PHF2: variants seen among roughly 807,000 people sequenced by gnomAD.
PHF2 encodes the protein PHD finger protein 2.
In PHF2, 27 loss-of-function variants were observed where a neutral mutation model predicts 120.5. The ratio of observed to expected loss-of-function variants is 0.22; its 90% CI spans 0.17 to 0.31. The LOEUF (loss-of-function observed/expected upper bound fraction) is 0.31. Ranked by LOEUF, PHF2 falls within the 10% of genes least tolerant of loss-of-function variation. PHF2 has a pLI of 1.00. For missense variants in PHF2, 1,024 were observed against 1,434.8 expected (o/e 0.71, Z 4.63); for synonymous variants, 568 against 592.5 (o/e 0.96, Z 0.60).
chr9:93,618,857 TGGTGTTC>T (rs1825774297), intron 1 of PHF2, among the ~76,000 whole-genome samples: 1 of 422 alleles, frequency 2.4e-3, no homozygotes, highest in Non-Finnish European at 6.0e-3. Flanking sequence ...TGCCTGTGTG[TGGTGTTC>T]GTGTGTCTCT....
At chr9:93,636,117 C>T (rs1826085571) in intron 2 of PHF2, among the ~76,000 whole-genome samples, 1 of 151,952 alleles carries the variant, frequency 6.6e-6, no homozygotes, top group South Asian at 2.1e-4. Context: ...AGACTCAGGG[C>T]CTGAATGAGG....
At chr9:93,617,808 G>A (rs1222989657) in intron 1 of PHF2, among the ~76,000 whole-genome samples, 1 of 152,166 alleles carries the variant, frequency 6.6e-6, no homozygotes. Context: ...AAAGATGTAG[G>A]CTGGGAGGCT....
chr9:93,585,151 G>A (rs1216679174), intron 1 of PHF2, among the ~76,000 whole-genome samples: 1 of 152,202 alleles, frequency 6.6e-6, no homozygotes, highest in Non-Finnish European at 1.5e-5. Flanking sequence ...CCGTGTTCAT[G>A]CATGTGCTGC....
chr9:93,584,243 A>C (rs1862992357), intron 1 of PHF2, among the ~76,000 whole-genome samples: 1 of 152,176 alleles, frequency 6.6e-6, no homozygotes, highest in South Asian at 2.1e-4. Flanking sequence ...TAACTTTGAT[A>C]AAGTCTGGTT....
chr9:93,654,189 G>T (rs1309306962), intron 6 of PHF2, among the ~76,000 whole-genome samples: 1 of 152,222 alleles, frequency 6.6e-6, no homozygotes, highest in Admixed American at 6.5e-5. Flanking sequence ...TCGAAACAAT[G>T]TAATGTGGGA....
chr9:93,586,179 C>T (rs918181377), intron 1 of PHF2, among the ~76,000 whole-genome samples: 6 of 152,224 alleles, frequency 3.9e-5, no homozygotes, highest in African/African-American at 7.2e-5. Flanking sequence ...CCCATGGCCC[C>T]GCATGAAGCA....
rs377246783 is a variant in PHF2, at chr9:93,677,708, T to C, written c.*32T>C. ...GAAAGCCAGGATCCTTCTGCTCCGC[T>C]CAGGACCCCCGGAGCCCCGCGAAAA... is the stretch of plus-strand genomic sequence containing the variant. On this transcript the variant is annotated 3_prime_UTR_variant, in exon 22 of 22. Transcript: ENST00000359246. The surrounding 1 kb of genome is among the most constrained non-coding windows in gnomAD (Gnocchi z 4.4). 2.5e-4 allele frequency: 384 copies of C among 1,546,466 alleles called. No homozygotes were observed. The highest frequency in any genetic ancestry group is 3.3e-4 in the Non-Finnish European group (370 of 1,120,216).
chr9:93,667,280 A>C, intron 17 of PHF2, 40 bp downstream of exon 17: 1 of 1,586,308 alleles, frequency 6.3e-7, no homozygotes, highest in Non-Finnish European at 8.6e-7. Flanking sequence ...AGCGGGGACC[A>C]GGCAGGCCCA....
intron 1 of PHF2, among the ~76,000 whole-genome samples, chr9:93,600,629 G>A (rs185592707): frequency 5.3e-5 from 8 of 152,312 alleles, no homozygotes; most frequent in African/African-American, 1.4e-4. Context: ...CAGCCATCTC[G>A]CAGGTTGTGG....
In PHF2 at chr9:93,667,086, G is replaced by T; in HGVS notation, c.2194G>T (p.Asp732Tyr). ...CCTGTCCCTCGCGCAGCAGAGTGAT[G>T]ACTCCTCGGACGAGGGTTCGCTGCA... ...KLDSAAYKSD[D>Y]SSDEGSLHID... The change falls in exon 17 of 22, where the codon GAC (aspartate) becomes TAC (tyrosine). Residue 732 changes from aspartate (D) to tyrosine (Y), a missense_variant. Physicochemically the swap from Asp to Tyr is radical, Grantham distance 160. Around this residue, in one of 2 missense-constraint regions of PHF2, gnomAD observed 677 missense variants for 857.4 expected, o/e 0.79. Transcript: ENST00000359246. 6.2e-7 allele frequency: 1 copy of T among 1,612,344 alleles called. No individual in the cohort carries two copies. The highest frequency in any genetic ancestry group is 1.1e-5 in the South Asian group (1 of 90,966).
intron 1 of PHF2, among the ~76,000 whole-genome samples, chr9:93,593,759 G>C (rs1041559672): frequency 1.3e-5 from 2 of 152,188 alleles, no homozygotes; most frequent in Non-Finnish European, 2.9e-5. Flanking sequence ...TTAATGCTAT[G>C]GGGATATCTT....
chr9:93,678,446 C>A lies in PHF2; in HGVS notation c.*770C>A, dbSNP rs1132003. 2 of 152,676 alleles carry A rather than the reference C, an allele frequency of 1.3e-5. No individual in the cohort carries two copies. Among genetic ancestry groups the A allele is most frequent in the South Asian group, 2.1e-4 (1 of 4,822 alleles). 9.5% of individuals were successfully genotyped at this position (152,676 alleles called of 1,614,324 possible). ...GCAGGGACCGTCTTGCCCTGCTGGC[C>A]ACACTCTGGAGAAGCACTTCTCAGC... On this transcript the variant is annotated 3_prime_UTR_variant, in exon 22 of 22. Transcript: ENST00000359246.
intron 5 of PHF2, among the ~76,000 whole-genome samples, chr9:93,649,883 C>T (rs1000671005): frequency 6.6e-6 from 1 of 151,762 alleles, no homozygotes; most frequent in African/African-American, 2.4e-5. Flanking sequence ...CTTGTCAACA[C>T]ACTCGTGACA....
chr9:93,672,431 G>A (rs1358298102), intron 17 of PHF2: 1 of 818,188 alleles, frequency 1.2e-6, no homozygotes, highest in African/African-American at 2.6e-5. Context: ...AGTAGGCACA[G>A]GTGCAGGTGC....
intron 1 of PHF2, among the ~76,000 whole-genome samples, 195 bp downstream of exon 1, chr9:93,577,066 G>C (rs1862834109): frequency 6.8e-6 from 1 of 146,522 alleles, no homozygotes; most frequent in Admixed American, 6.7e-5. Flanking sequence ...GGGCGGGGGC[G>C]CCAAGCACGG....
intron 10 of PHF2, among the ~76,000 whole-genome samples, chr9:93,658,465 G>A (rs934308601): frequency 6.6e-6 from 1 of 152,216 alleles, no homozygotes; most frequent in Non-Finnish European, 1.5e-5. Flanking sequence ...AGGGCTGGGG[G>A]AGGACAGATG....
chr9:93,621,348 C>T (rs1258234034), intron 1 of PHF2, among the ~76,000 whole-genome samples: 2 of 152,188 alleles, frequency 1.3e-5, no homozygotes, highest in Admixed American at 6.5e-5. Context: ...CCACCATGAC[C>T]ACCTCTCTTT....
rs1393474319 is a variant in PHF2, at chr9:93,646,774, C to G, written c.460+985C>G. ...CATGGCCACCCTGGGGCTACCGAGA[C>G]TGGGCTCCCAAACTCGTCATGAAGA... On this transcript the variant is annotated intron_variant, in intron 4 of 21. Coordinates refer to ENST00000359246, the MANE Select transcript of PHF2 (RefSeq NM_005392.4). 7.9e-5 allele frequency among the ~76,000 whole-genome samples: 12 copies of G among 152,206 alleles called. 1 individual carries two copies. The highest frequency in any genetic ancestry group is 7.9e-4 in the Admixed American group (12 of 15,282).
Position 93,674,974 on chromosome 9 carries a change from C to T in PHF2, c.2674C>T (p.Arg892Trp), listed in dbSNP as rs766009226. The T allele has an allele frequency of 7.4e-6, 12 of 1,613,908 alleles. No individual in the cohort carries two copies. Among genetic ancestry groups the T allele is most frequent in the Non-Finnish European group, 8.5e-6 (10 of 1,179,942 alleles). The change falls in exon 19 of 22, where the codon CGG becomes TGG. Residue 892 changes from arginine (R) to tryptophan (W), a missense_variant. Arg to Trp is a moderately radical substitution (Grantham distance 101, BLOSUM62 -3). Transcript: ENST00000359246. The stretch of plus-strand genomic sequence containing the variant: ...TGAAGACAACCCCATCTTTAAGTCC[C>T]GGTCGAAGAAAAGGAAAGGCTCAGA... Reference protein sequence around the residue: ...SDEDNPIFKSRSKKRKGSDDA... With the variant: ...SDEDNPIFKSWSKKRKGSDDA...
Sources: gnomAD v4.1 joint callset for allele counts (sites outside exome capture counted in the v4.1 genomes callset) on GRCh38, gnomAD v4.1.1 for gene constraint, gnomAD v4.1.1 regional missense constraint, Gnocchi (gnomAD v3.1) non-coding constraint, MANE v1.5 for transcripts, NCBI Gene and HGNC (gene_info 2026-07-23, HGNC 2026-07-21) for gene names.